Variants in SIPA1L3 observed in about 807,000 individuals in gnomAD.
SIPA1L3 encodes the protein signal-induced proliferation-associated 1-like protein 3.
Under a neutral mutation model 150.1 loss-of-function variants are expected in SIPA1L3, and 59 were observed. That is an observed-to-expected ratio of 0.39 (90% confidence interval 0.32 to 0.49). SIPA1L3 has a LOEUF of 0.49. Ranked by LOEUF, SIPA1L3 falls within the 20% of genes least tolerant of loss-of-function variation. SIPA1L3 has a pLI of 0.86. For synonymous variants in SIPA1L3, 1,070 were observed against 1,077.6 expected (o/e 0.99, Z 0.14); for missense variants, 2,211 against 2,489.5 (o/e 0.89, Z 2.38).
intron 13 of SIPA1L3, among the ~76,000 whole-genome samples, chr19:38,156,696 G>C (rs1217932783): frequency 6.6e-6 from 1 of 151,996 alleles, no homozygotes; most frequent in Non-Finnish European, 1.5e-5. Flanking sequence ...GTGGTGGCAT[G>C]CACCTGTAAT....
intron 1 of SIPA1L3, among the ~76,000 whole-genome samples, chr19:37,979,799 G>C (rs1004544153): frequency 6.6e-6 from 1 of 152,246 alleles, no homozygotes; most frequent in African/African-American, 2.4e-5. Flanking sequence ...GTTAGAGACA[G>C]TTGGCTCTCA....
chr19:38,201,824 C>T lies in SIPA1L3; in HGVS notation c.4985-38C>T, dbSNP rs762733110. On this transcript the variant is annotated intron_variant, in intron 19 of 21. Coordinates refer to ENST00000222345, the MANE Select transcript of SIPA1L3 (RefSeq NM_015073.3). ...CGTCTGTTGCGGGAGAAGCCGGGAGCCTTGCTGACCCCTCTCCTCCTCCTC... is the reference window on the plus strand; with the variant it reads ...CGTCTGTTGCGGGAGAAGCCGGGAGTCTTGCTGACCCCTCTCCTCCTCCTC... 5 of 1,561,592 alleles carry T rather than the reference C, an allele frequency of 3.2e-6. No homozygotes were observed. The African/African-American group carries it at 4.1e-5, about 13-fold the overall frequency.
chr19:38,071,186 A>C (rs1320446368), intron 2 of SIPA1L3, among the ~76,000 whole-genome samples: 4 of 151,612 alleles, frequency 2.6e-5, no homozygotes, highest in Non-Finnish European at 4.4e-5. Flanking sequence ...CCAGTCATTT[A>C]ATAGTTATGT....
At chr19:38,171,447 C>CAATG (rs1013399081) in intron 15 of SIPA1L3, among the ~76,000 whole-genome samples, 1 of 137,594 alleles carries the variant, frequency 7.3e-6, no homozygotes, top group Non-Finnish European at 1.5e-5. Flanking sequence ...GGCTGCAGTG[C>CAATG]AATGGCACAG....
chr19:38,202,105 G>A (rs1011666630), intron 20 of SIPA1L3, 108 bp downstream of exon 20: 28 of 1,156,376 alleles, frequency 2.4e-5, no homozygotes, highest in African/African-American at 2.2e-4. Flanking sequence ...ACCACTCTCC[G>A]GGCGGAAGCT....
chr19:38,162,784 C>T (rs527348015), intron 14 of SIPA1L3, among the ~76,000 whole-genome samples: 1 of 152,316 alleles, frequency 6.6e-6, no homozygotes, highest in East Asian at 1.9e-4. Flanking sequence ...CTCTGCTGTC[C>T]CTCAGAGGTT....
intron 15 of SIPA1L3, among the ~76,000 whole-genome samples, chr19:38,177,276 A>G (rs332852): frequency 0.66 from 99,715 of 150,170 alleles, 33,513 homozygotes; most frequent in African/African-American, 0.79. Context: ...CAGGAGAATG[A>G]CGTGAACCTG....
At chr19:38,134,764 G>A (rs1181834320) in intron 10 of SIPA1L3, among the ~76,000 whole-genome samples, 2 of 150,698 alleles carry the variant, frequency 1.3e-5, no homozygotes, top group Non-Finnish European at 2.9e-5. Flanking sequence ...CCTATAGGAG[G>A]CGCTCGAGAG....
At chr19:37,978,485 G>A (rs1182446172) in intron 1 of SIPA1L3, among the ~76,000 whole-genome samples, 1 of 152,172 alleles carries the variant, frequency 6.6e-6, no homozygotes, top group East Asian at 1.9e-4. Context: ...GATCCCCATT[G>A]TGCTGAGGCT....
intron 1 of SIPA1L3, among the ~76,000 whole-genome samples, chr19:37,997,413 C>A (rs1371223584): frequency 6.6e-6 from 1 of 151,130 alleles, no homozygotes; most frequent in African/African-American, 2.4e-5. Flanking sequence ...ACTAAAAATA[C>A]AAAAATTAGC....
intron 10 of SIPA1L3, among the ~76,000 whole-genome samples, chr19:38,140,373 A>G (rs1444560667): frequency 6.8e-6 from 1 of 147,488 alleles, no homozygotes; most frequent in Non-Finnish European, 1.5e-5. Flanking sequence ...CTCTGCATCT[A>G]TTTCAAGGTT....
intron 5 of SIPA1L3, 71 bp downstream of exon 5, chr19:38,100,221 C>T (rs1970470764): frequency 2.5e-6 from 3 of 1,204,916 alleles, no homozygotes; most frequent in Non-Finnish European, 3.4e-6. Flanking sequence ...GTAGCTTTTT[C>T]TATCTTGGTC....
intron 19 of SIPA1L3, among the ~76,000 whole-genome samples, chr19:38,199,570 C>T (rs1439504886): frequency 6.6e-6 from 1 of 152,072 alleles, no homozygotes; most frequent in African/African-American, 2.4e-5. Context: ...CTTTTTGCTT[C>T]CTTATAAAAT....
At chr19:37,922,346 C>A (rs571736628) in intron 1 of SIPA1L3, among the ~76,000 whole-genome samples, 4 of 152,188 alleles carry the variant, frequency 2.6e-5, no homozygotes, top group Admixed American at 1.3e-4. Context: ...CCTCAGCCTT[C>A]CAAAGTGCTA....
chr19:37,964,015 G>A (rs1259439211), intron 1 of SIPA1L3: 1 of 152,072 alleles, frequency 6.6e-6, no homozygotes, highest in Non-Finnish European at 1.5e-5. Flanking sequence ...GTGTGACCAA[G>A]CTTATTTTGT....
intron 3 of SIPA1L3, among the ~76,000 whole-genome samples, chr19:38,084,961 ATATT>A (rs1970094095): frequency 6.6e-6 from 1 of 152,044 alleles, no homozygotes; most frequent in Non-Finnish European, 1.5e-5. Flanking sequence ...GTTTTTAAAA[ATATT>A]TAAAGTAATA....
At chr19:38,024,853 C>T (rs1398722119) in intron 1 of SIPA1L3, among the ~76,000 whole-genome samples, 1 of 152,110 alleles carries the variant, frequency 6.6e-6, no homozygotes. Context: ...GCGACAGAAC[C>T]TCCCCAACTC....
intron 2 of SIPA1L3, among the ~76,000 whole-genome samples, chr19:38,049,638 C>A (rs992914695): frequency 1.3e-5 from 2 of 152,154 alleles, no homozygotes; most frequent in Non-Finnish European, 2.9e-5. Context: ...CATTCTCTCT[C>A]CCCAGGGGTG....
At chr19:38,088,366 A>T (rs1458569657) in intron 3 of SIPA1L3, among the ~76,000 whole-genome samples, 1 of 152,254 alleles carries the variant, frequency 6.6e-6, no homozygotes. Context: ...AATCGCAGTG[A>T]TGCTGGGTTG....
Sources: allele counts gnomAD v4.1 joint callset (sites outside exome capture counted in the v4.1 genomes callset), GRCh38; gene constraint gnomAD v4.1.1; transcripts MANE v1.5; gene names NCBI Gene and HGNC (gene_info 2026-07-23, HGNC 2026-07-21).